Variants in AGK observed in about 807,000 individuals in gnomAD.
AGK encodes the protein acylglycerol kinase.
AGK carries 52 observed loss-of-function variants against 66.4 expected under a neutral mutation model. The observed-to-expected ratio is 0.78, with a 90% confidence interval of 0.63 to 0.99. AGK has a LOEUF of 0.99. AGK is among the 50% of genes least tolerant of loss of function. The pLI is 0.00. For synonymous variants in AGK, 182 were observed against 181.1 expected, an observed-to-expected ratio of 1.00 and a Z score of -0.04; for missense variants, 451 against 506.6, an observed-to-expected ratio of 0.89 and a Z score of 1.05.
chr7:141,573,268 T>A (rs554800503), intron 2 of AGK, among the ~76,000 whole-genome samples: 29 of 152,336 alleles, frequency 1.9e-4, no homozygotes, highest in Admixed American at 1.4e-3. Flanking sequence ...GGAACATTTT[T>A]AAATTTTTAT....
chr7:141,564,802 T>C (rs775018151), intron 2 of AGK, among the ~76,000 whole-genome samples: 3 of 152,074 alleles, frequency 2.0e-5, no homozygotes, highest in Non-Finnish European at 4.4e-5. Flanking sequence ...TGATCTCCAC[T>C]CACCACAACC....
intron 9 of AGK, among the ~76,000 whole-genome samples, chr7:141,630,551 A>T (rs953929746): frequency 2.0e-5 from 3 of 152,066 alleles, no homozygotes; most frequent in Non-Finnish European, 4.4e-5. Context: ...ATAATAATTT[A>T]TGTTTTGTTT....
At chr7:141,605,729 T>C (rs900325395) in intron 5 of AGK, among the ~76,000 whole-genome samples, 1 of 152,144 alleles carries the variant, frequency 6.6e-6, no homozygotes, top group African/African-American at 2.4e-5. Context: ...AATGAGGAAA[T>C]TGAAGATACA....
rs1268124826 is a variant in AGK at position 141,551,412 on chromosome 7, A to AG, written c.-36dup. 6.6e-6 allele frequency: 1 copy of AG among 152,510 alleles called. No individual in the cohort carries two copies. The highest frequency in any genetic ancestry group is 1.9e-4 in the East Asian group (1 of 5,188). The allele number at this position is 152,510 out of a possible 1,614,324, so 9.4% of individuals were successfully genotyped here. ...TGGAGGGAGCACACAGGAAAGGCAG[A>AG]GCCGCGAGCTGGACCAGCCGTGGTG... On this transcript the variant is annotated 5_prime_UTR_variant, in exon 1 of 16. Transcript: ENST00000649286.
chr7:141,592,659 A>G (rs570523224), intron 2 of AGK, among the ~76,000 whole-genome samples: 3 of 151,998 alleles, frequency 2.0e-5, no homozygotes, highest in Non-Finnish European at 4.4e-5. Context: ...CGGAGGATGT[A>G]TTTTTCAAAT....
intron 9 of AGK, among the ~76,000 whole-genome samples, chr7:141,627,363 A>G (rs1419738094): frequency 1.3e-5 from 2 of 152,118 alleles, no homozygotes; most frequent in East Asian, 1.9e-4. Flanking sequence ...AGTGAGCCCC[A>G]TGTTCTTAGA....
chr7:141,642,244 G>A (rs1797307484), intron 13 of AGK, among the ~76,000 whole-genome samples: 2 of 152,264 alleles, frequency 1.3e-5, no homozygotes, highest in African/African-American at 4.8e-5. Context: ...TTTTAGTTGA[G>A]TAAATATCCA....
chr7:141,564,643 T>G (rs1211086801), intron 2 of AGK, among the ~76,000 whole-genome samples: 3 of 152,210 alleles, frequency 2.0e-5, no homozygotes, highest in African/African-American at 7.2e-5. Flanking sequence ...CAGTTGACTC[T>G]CCTCGAAATG....
chr7:141,558,249 C>A (rs1219302513), intron 2 of AGK, among the ~76,000 whole-genome samples: 1 of 151,824 alleles, frequency 6.6e-6, no homozygotes, highest in Admixed American at 6.6e-5. Context: ...CCTCTGCCTC[C>A]GAGGTTCAAG....
chr7:141,570,909 C>T (rs1410138587), intron 2 of AGK, among the ~76,000 whole-genome samples: 1 of 152,040 alleles, frequency 6.6e-6, no homozygotes, highest in Non-Finnish European at 1.5e-5. Context: ...AAGTATAACT[C>T]CTCTTCTTTT....
rs1163032345 is a variant in AGK, at chr7:141,596,466, G to A, written c.142-96G>A. 5 of 1,076,178 alleles carry A rather than the reference G, an allele frequency of 4.6e-6. No homozygotes were observed. In the South Asian group the frequency reaches 5.2e-5, roughly 11 times the overall value. The allele number at this position is 1,076,178 out of a possible 1,614,324, so 66.7% of individuals were successfully genotyped here. On this transcript the variant is annotated intron_variant, in intron 3 of 15. Transcript: ENST00000649286. ...TTTTCCCCAAGGGTAGATACCTTAT[G>A]TGCTGCAAGTACATTTTTTTTGGAA...
intron 9 of AGK, among the ~76,000 whole-genome samples, chr7:141,622,662 C>T (rs563079031): frequency 6.6e-5 from 10 of 152,312 alleles, no homozygotes; most frequent in Admixed American, 5.9e-4. Context: ...TCTCTGTTCC[C>T]TGTGACACAA....
At chr7:141,621,087 C>T (rs753385896) in intron 8 of AGK, among the ~76,000 whole-genome samples, 1 of 152,182 alleles carries the variant, frequency 6.6e-6, no homozygotes, top group African/African-American at 2.4e-5. Context: ...ACCTAATCAT[C>T]GAACCTAATC....
At chr7:141,605,772 G>A (rs1200205331) in intron 5 of AGK, among the ~76,000 whole-genome samples, 2 of 152,138 alleles carry the variant, frequency 1.3e-5, no homozygotes, top group Non-Finnish European at 2.9e-5. Context: ...TATACAATTA[G>A]TAGTGACAAA....
At chr7:141,572,774 T>C (rs1016628958) in intron 2 of AGK, among the ~76,000 whole-genome samples, 1 of 152,038 alleles carries the variant, frequency 6.6e-6, no homozygotes, top group Non-Finnish European at 1.5e-5. Flanking sequence ...CTGTTTTAGA[T>C]ACGTTGAGTT....
At position 141,641,296 on chromosome 7, in the gene AGK, G is replaced by A. The variant is rs1797281863; in HGVS notation, c.775G>A (p.Glu259Lys). 2 of 1,613,842 alleles carry A rather than the reference G, an allele frequency of 1.2e-6. No homozygotes were observed. Among genetic ancestry groups the A allele is most frequent in the Non-Finnish European group, 1.7e-6 (2 of 1,179,944 alleles). ...CTCTATCTCATACACGGGACCTACA[G>A]AGAGACCTCCCAATGAACCAGAGGA... is the stretch of plus-strand genomic sequence containing the variant. ...QASISYTGPT[E>K]RPPNEPEETP... Residue 259 changes from glutamate to lysine, a missense_variant, in exon 12 of 16, where the codon GAG becomes AAG. Glu to Lys is a moderately conservative substitution (Grantham distance 56). Transcript: ENST00000649286.
chr7:141,646,906 T>C (rs955371452), intron 13 of AGK, among the ~76,000 whole-genome samples: 2 of 152,212 alleles, frequency 1.3e-5, no homozygotes, highest in Non-Finnish European at 2.9e-5. Context: ...GACCCTGTTC[T>C]AGCTGAAGTG....
chr7:141,624,970 C>T (rs1796904851), intron 9 of AGK, among the ~76,000 whole-genome samples: 1 of 152,162 alleles, frequency 6.6e-6, no homozygotes. Context: ...GTCACATCCA[C>T]CCCAACCTTC....
chr7:141,617,250 A>G (rs1796726592), intron 8 of AGK, among the ~76,000 whole-genome samples: 1 of 152,110 alleles, frequency 6.6e-6, no homozygotes. Flanking sequence ...TTTTCCTTGG[A>G]GACCCCTTGC....
Sources: allele counts gnomAD v4.1 joint callset (sites outside exome capture counted in the v4.1 genomes callset), GRCh38; gene constraint gnomAD v4.1.1; transcripts MANE v1.5; gene names NCBI Gene and HGNC (gene_info 2026-07-23, HGNC 2026-07-21).